Variants in SGCB observed in about 807,000 individuals in gnomAD.
SGCB encodes the protein sarcoglycan beta, also known as beta-sarcoglycan.
Under a neutral mutation model 27.3 loss-of-function variants are expected in SGCB, and 25 were observed. The ratio of observed to expected loss-of-function variants is 0.92; its 90% CI spans 0.67 to 1.28. The LOEUF is 1.28. Ranked by LOEUF, SGCB falls within the 50% of genes most tolerant of loss-of-function variation. SGCB has a pLI of 0.00. For synonymous variants in SGCB, 147 were observed against 133.5 expected (o/e 1.10, Z -0.70); for missense variants, 436 against 402.1 (o/e 1.08, Z -0.72).
rs188322094 is a variant in SGCB at position 52,031,718 on chromosome 4, A to G, written c.243+1713T>C. 3.0e-4 allele frequency: 79 copies of G among 263,968 alleles called. No homozygotes were observed. In the Admixed American group the frequency reaches 3.5e-3, roughly 12 times the overall value. The allele number at this position is 263,968 out of a possible 1,614,324, so 16.4% of individuals were successfully genotyped here. A position where few individuals can be genotyped will look rare whatever the true frequency, so the allele number is the denominator to read the frequency against. On this transcript the variant is annotated intron_variant, in intron 2 of 5. Coordinates refer to ENST00000381431, the MANE Select transcript of SGCB (RefSeq NM_000232.5). ...TGGTTTAGGAGTTTTCATCTCTATCATTTTTCAATTCTTGGCACTTTCCTC... is the reference window on the plus strand; with the variant it reads ...TGGTTTAGGAGTTTTCATCTCTATCGTTTTTCAATTCTTGGCACTTTCCTC...
At chr4:52,036,566 C>T (rs549934965) in intron 1 of SGCB, among the ~76,000 whole-genome samples, 38 of 152,290 alleles carry the variant, frequency 2.5e-4, no homozygotes, top group South Asian at 6.2e-4. Flanking sequence ...AAGATATCAA[C>T]AGCAGGTTTC....
At chr4:52,036,109 C>A (rs1338654491) in intron 1 of SGCB, among the ~76,000 whole-genome samples, 3 of 152,186 alleles carry the variant, frequency 2.0e-5, no homozygotes, top group African/African-American at 7.2e-5. Context: ...TGGAGCAATG[C>A]ATACAATACA....
In SGCB at chr4:52,021,940, AAAT is replaced by A. The variant is rs897625759; in HGVS notation, c.*2014_*2016del. The A allele has an allele frequency of 6.6e-6, 1 of 152,204 alleles. No individual in the cohort carries two copies. The highest frequency in any genetic ancestry group is 1.5e-5 in the Non-Finnish European group (1 of 68,034). The allele number at this position is 152,204 out of a possible 1,614,324, so 9.4% of individuals were successfully genotyped here. A position where few individuals can be genotyped will look rare whatever the true frequency, so the allele number is the denominator to read the frequency against. On this transcript the variant is annotated 3_prime_UTR_variant, in exon 6 of 6. Transcript: ENST00000381431. Reference sequence around the variant, plus strand: ...GATTATTTCCTGAACTACATTTAATAAATAATATTTTGTAATACAGTGTTTTCT... The same window carrying A: ...GATTATTTCCTGAACTACATTTAATAAATATTTTGTAATACAGTGTTTTCT...
At position 52,029,883 on chromosome 4, in the gene SGCB, C is replaced by T. The variant is rs534867504; in HGVS notation, c.244-20G>A. 19 of 1,594,660 alleles carry T rather than the reference C, an allele frequency of 1.2e-5. 1 individual carries two copies. The highest frequency in any genetic ancestry group is 1.0e-4 in the Admixed American group (6 of 60,000). ...TGTTATCTGAAAAAGAACACAAGTC[C>T]ACTGTTGGTAGGCCGCATACATTTA... On this transcript the variant is annotated intron_variant, in intron 2 of 5. Coordinates refer to ENST00000381431, the MANE Select transcript of SGCB (RefSeq NM_000232.5).
At chr4:52,037,339 TA>T (rs1483687474) in intron 1 of SGCB, among the ~76,000 whole-genome samples, 1 of 152,202 alleles carries the variant, frequency 6.6e-6, no homozygotes, top group Non-Finnish European at 1.5e-5. Flanking sequence ...GACATATATC[TA>T]ATAGGTCTCT....
intron 1 of SGCB, among the ~76,000 whole-genome samples, chr4:52,036,945 G>A (rs2109379280): frequency 6.6e-6 from 1 of 152,284 alleles, no homozygotes; most frequent in South Asian, 2.1e-4. Context: ...ACATTTTTGA[G>A]TTTGAGGTGC....
At chr4:52,038,157 C>A (rs1284570638) in intron 1 of SGCB, 70 bp downstream of exon 1, 1 of 1,159,118 alleles carries the variant, frequency 8.6e-7, no homozygotes, top group Non-Finnish European at 1.1e-6. Context: ...CCAGGGCTCC[C>A]GCGGGCCCAG....
rs60880544 is a variant in SGCB at position 52,030,222 on chromosome 4, A to G, written c.244-359T>C. On this transcript the variant is annotated intron_variant, in intron 2 of 5. Coordinates refer to ENST00000381431, the MANE Select transcript of SGCB (RefSeq NM_000232.5). ...AAATATATGTATTTCTTCTAAACAT[A>G]TATTTCTAAAATATCTAACAAATAT... Among the ~76,000 whole-genome samples, 5 of 152,264 alleles carry G rather than the reference A, an allele frequency of 3.3e-5. No homozygotes were observed. In the East Asian group the frequency reaches 7.7e-4, roughly 23 times the overall value.
chr4:52,037,753 T>C (rs1310831247), intron 1 of SGCB, among the ~76,000 whole-genome samples: 1 of 152,214 alleles, frequency 6.6e-6, no homozygotes, highest in Admixed American at 6.5e-5. Context: ...AAATCTGGGA[T>C]GTCTGCATAT....
chr4:52,030,644 G>A (rs984874745), intron 2 of SGCB, among the ~76,000 whole-genome samples: 3 of 152,134 alleles, frequency 2.0e-5, no homozygotes, highest in African/African-American at 7.2e-5. Flanking sequence ...TCTGGAACCT[G>A]TATCTTTCTG....
Position 52,038,262 on chromosome 4 carries a change from TC to T in SGCB, c.-4del. Reference sequence around the variant, plus strand: ...GCCGCCGCCGCCGCTGCCGCCATCTTCCCGCGCCCGCCGCCGCCGAGCTCCC... The same window carrying T: ...GCCGCCGCCGCCGCTGCCGCCATCTTCCGCGCCCGCCGCCGCCGAGCTCCC... On this transcript the variant is annotated 5_prime_UTR_variant, in exon 1 of 6. Coordinates refer to ENST00000381431, the MANE Select transcript of SGCB (RefSeq NM_000232.5). 1 of 1,295,550 alleles carries T rather than the reference TC, an allele frequency of 7.7e-7. No individual in the cohort carries two copies. The highest frequency in any genetic ancestry group is 9.8e-7 in the Non-Finnish European group (1 of 1,019,566). 80.3% of individuals were successfully genotyped at this position (1,295,550 alleles called of 1,614,324 possible). A position where few individuals can be genotyped will look rare whatever the true frequency, so the allele number is the denominator to read the frequency against.
chr4:52,033,334 T>C, intron 2 of SGCB, 97 bp downstream of exon 2: 3 of 771,934 alleles, frequency 3.9e-6, no homozygotes, highest in Non-Finnish European at 6.8e-6. Context: ...AGACAAGACA[T>C]GTATAGAAAA....
Position 52,028,808 on chromosome 4 carries a change from G to C in SGCB, c.543C>G (p.Ser181Arg). 3.7e-6 allele frequency: 6 copies of C among 1,613,484 alleles called. No homozygotes were observed. Among genetic ancestry groups the C allele is most frequent in the Non-Finnish European group, 5.1e-6 (6 of 1,179,480 alleles). Residue 181 changes from serine to arginine, a missense_variant, in exon 4 of 6, where the codon AGC becomes AGG. Coordinates refer to ENST00000381431, the MANE Select transcript of SGCB (RefSeq NM_000232.5). ...FDPRTQNILF[S>R]TDYETHEFHL... ...GAAACTCATGAGTTTCATAGTCTGT[G>C]CTGAATAAGATATTTTGAGTCCTCG...
chr4:52,023,747 A>G lies in SGCB; in HGVS notation c.*210T>C. ...GCTTCTCATAATTATTTTAGAGAAC[A>G]GTAAATATGAAGATTAGTATAAATT... On this transcript the variant is annotated 3_prime_UTR_variant, in exon 6 of 6. Coordinates refer to ENST00000381431, the MANE Select transcript of SGCB (RefSeq NM_000232.5). The G allele has an allele frequency of 1.9e-6, 1 of 523,678 alleles. No individual in the cohort carries two copies. Among genetic ancestry groups the G allele is most frequent in the Non-Finnish European group, 3.4e-6 (1 of 294,766 alleles). 32.4% of individuals were successfully genotyped at this position (523,678 alleles called of 1,614,324 possible). A position where few individuals can be genotyped will look rare whatever the true frequency, so the allele number is the denominator to read the frequency against.
At chr4:52,028,651 A>G (rs534996338) in intron 4 of SGCB, 79 bp downstream of exon 4, 1 of 1,142,104 alleles carries the variant, frequency 8.8e-7, no homozygotes, top group African/African-American at 1.5e-5. Context: ...AAAAACAACA[A>G]CAGTATAACT....
At position 52,024,119 on chromosome 4, in the gene SGCB, G is replaced by C. The variant is rs1490370240; in HGVS notation, c.795C>G (p.Thr265=). The part of the protein sequence containing the change: ...IILNGSVMVS[T]TRLPSSSSGD... ...CACTGGAGGAACTGGGTAGGCGGGTGGTGCTGACCATCACAGATCCATTTA... is the reference window on the plus strand; with the variant it reads ...CACTGGAGGAACTGGGTAGGCGGGTCGTGCTGACCATCACAGATCCATTTA... The change falls in exon 6 of 6, where the codon ACC becomes ACG. Residue 265 remains threonine (T), a synonymous_variant. Coordinates refer to ENST00000381431, the MANE Select transcript of SGCB (RefSeq NM_000232.5). The C allele has an allele frequency of 5.6e-6, 9 of 1,613,970 alleles. No homozygotes were observed. The African/African-American group carries it at 9.3e-5, about 17-fold the overall frequency.
rs1737002163 is a variant in SGCB, at chr4:52,023,198, T to C, written c.*759A>G. ...TTCTTAATGGGTAAAACTTGGATAA[T>C]ACCACCTACTTGCAGGGTTGTGGTG... On this transcript the variant is annotated 3_prime_UTR_variant, in exon 6 of 6. Coordinates refer to ENST00000381431, the MANE Select transcript of SGCB (RefSeq NM_000232.5). The C allele has an allele frequency of 6.6e-6, 1 of 152,156 alleles. No individual in the cohort carries two copies. Among genetic ancestry groups the C allele is most frequent in the Admixed American group, 6.5e-5 (1 of 15,280 alleles). The allele number at this position is 152,156 out of a possible 1,614,324, so 9.4% of individuals were successfully genotyped here. A position where few individuals can be genotyped will look rare whatever the true frequency, so the allele number is the denominator to read the frequency against.
At position 52,035,231 on chromosome 4, in the gene SGCB, T is replaced by C. The variant is rs576963663; in HGVS notation, c.34-1591A>G. On this transcript the variant is annotated intron_variant, in intron 1 of 5. Transcript: ENST00000381431. ...ACTTTACGCTTAAACACTAATTCCA[T>C]AGATAGGAATACAAAAGAACTATAG... Among the ~76,000 whole-genome samples the C allele has an allele frequency of 1.7e-4, 26 of 152,338 alleles. No individual in the cohort carries two copies. In the Middle Eastern group the frequency reaches 0.01, roughly 60 times the overall value.
chr4:52,035,278 G>T (rs556405650), intron 1 of SGCB, among the ~76,000 whole-genome samples: 1 of 152,298 alleles, frequency 6.6e-6, no homozygotes, highest in East Asian at 1.9e-4. Context: ...TATCCTCTAT[G>T]TATTAACAGA....
Sources: allele counts gnomAD v4.1 joint callset (sites outside exome capture counted in the v4.1 genomes callset), GRCh38; gene constraint gnomAD v4.1.1; transcripts MANE v1.5; gene names NCBI Gene and HGNC (gene_info 2026-07-23, HGNC 2026-07-21).